The following GLP2R variants were observed in gnomAD, a reference collection of about 807,000 sequenced individuals.
GLP2R encodes the protein glucagon-like peptide 2 receptor.
GLP2R carries 59 observed loss-of-function variants against 68.2 expected under a neutral mutation model. The observed-to-expected ratio is 0.87, with a 90% CI of 0.70 to 1.07. The LOEUF (loss-of-function observed/expected upper bound fraction) is 1.07, where lower values mean the gene tolerates loss of function less well. Ranked by LOEUF, GLP2R falls within the 50% of genes least tolerant of loss-of-function variation. The pLI, the probability that GLP2R is intolerant of heterozygous loss-of-function variation, is 0.00. For missense variants in GLP2R, 548 were observed against 677.4 expected, an observed-to-expected ratio of 0.81 and a Z score of 2.12; for synonymous variants, 270 against 265.4, an observed-to-expected ratio of 1.02 and a Z score of -0.17.
At chr17:9,884,774 GTTTA>G (rs2067227388) in intron 11 of GLP2R, among the ~76,000 whole-genome samples, 1 of 152,052 alleles carries the variant, frequency 6.6e-6, no homozygotes, top group Non-Finnish European at 1.5e-5. Context: ...ATGAAAACAT[GTTTA>G]TTTCAGTCTT....
At chr17:9,831,037 AT>A (rs2066675259) in intron 1 of GLP2R, among the ~76,000 whole-genome samples, 1 of 152,224 alleles carries the variant, frequency 6.6e-6, no homozygotes, top group Non-Finnish European at 1.5e-5. Context: ...TACTGAGTCA[AT>A]AAGTTTGGGA....
rs760628220 is a variant in GLP2R at position 9,880,363 on chromosome 17, G to T, written c.1146-15G>T. 6.4e-7 allele frequency: 1 copy of T among 1,557,552 alleles called. No homozygotes were observed. The highest frequency in any genetic ancestry group is 1.2e-5 in the South Asian group (1 of 84,864). On this transcript the variant is annotated splice_polypyrimidine_tract_variant and intron_variant, in intron 10 of 12. Transcript: ENST00000262441. ...CATGTGGCCCTCTTGACTGTTATTT[G>T]GTTGTCATTTACAGATTGGCAAAAT...
At chr17:9,839,352 G>A (rs997879767) in intron 3 of GLP2R, among the ~76,000 whole-genome samples, 73 of 152,150 alleles carry the variant, frequency 4.8e-4, no homozygotes, top group African/African-American at 1.3e-3. Flanking sequence ...GAAACTGAGG[G>A]ACAGGGAGGA....
At chr17:9,852,060 GTTT>G (rs961115603) in intron 4 of GLP2R, among the ~76,000 whole-genome samples, 10 of 53,572 alleles carry the variant, frequency 1.9e-4, no homozygotes, top group African/African-American at 1.0e-3. Context: ...TTTTTTTTTT[GTTT>G]TTTTTTTTAC....
In GLP2R at chr17:9,850,606, C is replaced by A. The variant is rs963702028; in HGVS notation, c.505-3889C>A. ...CCAGAGCTTCCCCAGTGGGATTAAG[C>A]TCCAGCTTCCCACCATGGTAGCTGG... On this transcript the variant is annotated intron_variant, in intron 4 of 12. Coordinates refer to ENST00000262441, the MANE Select transcript of GLP2R (RefSeq NM_004246.3). 2.8e-4 allele frequency among the ~76,000 whole-genome samples: 42 copies of A among 152,154 alleles called. 1 individual carries two copies. The highest frequency in any genetic ancestry group is 3.9e-4 in the East Asian group (2 of 5,166).
chr17:9,836,996 C>T (rs2066737781), intron 3 of GLP2R, among the ~76,000 whole-genome samples: 1 of 151,898 alleles, frequency 6.6e-6, no homozygotes, highest in Non-Finnish European at 1.5e-5. Flanking sequence ...ACTACAGGCA[C>T]CCACCCCCAC....
At chr17:9,837,243 C>A (rs2066740587) in intron 3 of GLP2R, among the ~76,000 whole-genome samples, 1 of 152,196 alleles carries the variant, frequency 6.6e-6, no homozygotes, top group Non-Finnish European at 1.5e-5. Flanking sequence ...CATCATCCCT[C>A]CCCACCTCCA....
At chr17:9,865,830 A>G in intron 9 of GLP2R, 3 of 471,218 alleles carry the variant, frequency 6.4e-6, no homozygotes, top group South Asian at 1.5e-5. Context: ...GTCTGTGTCT[A>G]CAGGCACTTG....
At chr17:9,883,419 A>C (rs1482522936) in intron 11 of GLP2R, among the ~76,000 whole-genome samples, 1 of 152,214 alleles carries the variant, frequency 6.6e-6, no homozygotes, top group East Asian at 1.9e-4. Context: ...GAGAGTAAAG[A>C]TAGAAATGGT....
intron 3 of GLP2R, among the ~76,000 whole-genome samples, chr17:9,838,915 A>T (rs951172247): frequency 2.6e-5 from 4 of 152,220 alleles, no homozygotes; most frequent in Admixed American, 2.0e-4. Flanking sequence ...CCGGAGGCTG[A>T]GGCAGGAGAA....
At position 9,859,819 on chromosome 17, in the gene GLP2R, CAAAAAAAAAAAAAA is replaced by C. The variant is rs10567375; in HGVS notation, c.766-109_766-96del. ...CTGGCAACAGAGTGAGATTCTGTCTCAAAAAAAAAAAAAAAAAAAAAAAAAAAGAGGGAGAGGTT... is the reference window on the plus strand; with the variant it reads ...CTGGCAACAGAGTGAGATTCTGTCTCAAAAAAAAAAAAAGAGGGAGAGGTT... On this transcript the variant is annotated intron_variant, in intron 6 of 12. Transcript: ENST00000262441. 492 of 143,778 alleles carry C rather than the reference CAAAAAAAAAAAAAA, an allele frequency of 3.4e-3. 2 individuals carry two copies. The highest frequency in any genetic ancestry group is 0.013 in the Middle Eastern group (4 of 312). 8.9% of individuals were successfully genotyped at this position (143,778 alleles called of 1,614,324 possible). A position where few individuals can be genotyped will look rare whatever the true frequency, so the allele number is the denominator to read the frequency against.
chr17:9,831,300 G>A (rs1055293800), intron 1 of GLP2R, among the ~76,000 whole-genome samples: 6 of 152,292 alleles, frequency 3.9e-5, no homozygotes, highest in African/African-American at 7.2e-5. Context: ...TCTCACAAGT[G>A]AGCCTCTGGA....
In GLP2R at chr17:9,826,412, A is replaced by G. The variant is rs535252704; in HGVS notation, c.189+160A>G. ...TAGCATTCAAAGGTAATCACTGTTC[A>G]TATTTTGGCATATTGTCCTCAAACC... On this transcript the variant is annotated intron_variant, in intron 1 of 12. Coordinates refer to ENST00000262441, the MANE Select transcript of GLP2R (RefSeq NM_004246.3). Among the ~76,000 whole-genome samples the G allele has an allele frequency of 1.1e-3, 169 of 152,262 alleles. 1 individual carries two copies. The highest frequency in any genetic ancestry group is 3.9e-3 in the African/African-American group (162 of 41,532).
At chr17:9,870,901 G>T (rs762389519) in intron 10 of GLP2R, 66 bp downstream of exon 10, 2 of 793,610 alleles carry the variant, frequency 2.5e-6, no homozygotes. Context: ...TGTTCTGCCC[G>T]CTGTCTTGGG....
Position 9,871,652 on chromosome 17 carries a change from A to G in GLP2R, c.1145+817A>G, listed in dbSNP as rs1189526390. ...TTTATTAGATCTGCATTGTTGTAAAAGCAAATGAATGAATGAAGAGAGATA... is the reference window on the plus strand; with the variant it reads ...TTTATTAGATCTGCATTGTTGTAAAGGCAAATGAATGAATGAAGAGAGATA... On this transcript the variant is annotated intron_variant, in intron 10 of 12. Transcript: ENST00000262441. Among the ~76,000 whole-genome samples the G allele has an allele frequency of 4.6e-5, 7 of 151,994 alleles. No homozygotes were observed. In the East Asian group the frequency reaches 1.4e-3, roughly 29 times the overall value.
At chr17:9,867,457 C>A (rs74937406) in intron 9 of GLP2R, among the ~76,000 whole-genome samples, 1 of 152,230 alleles carries the variant, frequency 6.6e-6, no homozygotes, top group Non-Finnish European at 1.5e-5. Context: ...AATCCAGATG[C>A]CCTTTGGGTC....
intron 10 of GLP2R, among the ~76,000 whole-genome samples, chr17:9,875,363 G>T (rs1335541910): frequency 3.9e-5 from 6 of 152,190 alleles, no homozygotes; most frequent in Admixed American, 3.9e-4. Context: ...CTTCTGATGG[G>T]ATAAGAAGGA....
chr17:9,873,648 G>A (rs1212929826), intron 10 of GLP2R, among the ~76,000 whole-genome samples: 4 of 140,374 alleles, frequency 2.8e-5, no homozygotes, highest in East Asian at 4.3e-4. Flanking sequence ...TTCTTCCAAC[G>A]GGGCTCAGGG....
intron 4 of GLP2R, among the ~76,000 whole-genome samples, chr17:9,854,051 G>A (rs1597388147): frequency 6.6e-6 from 1 of 152,198 alleles, no homozygotes; most frequent in Non-Finnish European, 1.5e-5. Context: ...TCTTCCAAGA[G>A]GTCATCTATG....
Sources: allele counts gnomAD v4.1 joint callset (sites outside exome capture counted in the v4.1 genomes callset), GRCh38; gene constraint gnomAD v4.1.1; transcripts MANE v1.5; gene names NCBI Gene and HGNC (gene_info 2026-07-23, HGNC 2026-07-21).